Variants in GRIP1 observed in about 807,000 individuals in gnomAD.
The protein encoded by GRIP1 is glutamate receptor interacting protein 1, also known as glutamate receptor-interacting protein 1.
Under a neutral mutation model 129.9 loss-of-function variants are expected in GRIP1, and 45 were observed. The observed-to-expected ratio is 0.35, with a 90% CI of 0.27 to 0.44. The LOEUF is 0.44. Ranked by LOEUF, GRIP1 falls within the 20% of genes least tolerant of loss-of-function variation. GRIP1 has a pLI of 1.00. For synonymous variants in GRIP1, 530 were observed against 520.8 expected (o/e 1.02, Z -0.24); for missense variants, 1,196 against 1,396.8 (o/e 0.86, Z 2.29).
intron 7 of GRIP1, among the ~76,000 whole-genome samples, chr12:66,486,353 C>A (rs2059954558): frequency 6.6e-6 from 1 of 151,934 alleles, no homozygotes; most frequent in African/African-American, 2.4e-5. Context: ...AATGGTGTCC[C>A]ATGTAGCCAA....
chr12:66,462,371 G>A (rs529125614), intron 9 of GRIP1, among the ~76,000 whole-genome samples: 3 of 152,136 alleles, frequency 2.0e-5, no homozygotes, highest in African/African-American at 7.2e-5. Flanking sequence ...GCCTTCATTG[G>A]CCTTCATCTA....
intron 1 of GRIP1, among the ~76,000 whole-genome samples, chr12:66,648,377 G>A (rs2032535378): frequency 6.6e-6 from 1 of 152,230 alleles, no homozygotes; most frequent in South Asian, 2.1e-4. Flanking sequence ...TTGACCAAAT[G>A]ATCACGAGAA....
chr12:66,474,861 C>T (rs904788298), intron 7 of GRIP1, among the ~76,000 whole-genome samples: 3 of 152,166 alleles, frequency 2.0e-5, no homozygotes, highest in Non-Finnish European at 4.4e-5. Flanking sequence ...CCGGTCCCAG[C>T]CACTGCAAAA....
chr12:66,859,476 C>T (rs34447017), intron 1 of GRIP1, among the ~76,000 whole-genome samples: 30,722 of 151,654 alleles, frequency 0.2, 3,825 homozygotes, highest in Non-Finnish European at 0.28. Flanking sequence ...CAGGTAAGTA[C>T]ACTACATAAA....
chr12:66,368,769 A>G (rs1424814663), intron 23 of GRIP1, among the ~76,000 whole-genome samples: 1 of 152,204 alleles, frequency 6.6e-6, no homozygotes, highest in Non-Finnish European at 1.5e-5. Flanking sequence ...GACATTAGGT[A>G]GTCTTTCAGT....
At chr12:66,962,350 A>T (rs987537918) in intron 1 of GRIP1, among the ~76,000 whole-genome samples, 8 of 152,190 alleles carry the variant, frequency 5.3e-5, no homozygotes, top group African/African-American at 1.9e-4. Flanking sequence ...AAAGGAATCG[A>T]GACAGGAAAA....
intron 1 of GRIP1, among the ~76,000 whole-genome samples, chr12:66,791,087 T>C (rs368292051): frequency 2.6e-5 from 4 of 152,316 alleles, no homozygotes; most frequent in African/African-American, 9.6e-5. Flanking sequence ...TGATCTCTGC[T>C]GAATCCTTTT....
chr12:66,532,003 A>G (rs999198678), intron 4 of GRIP1, among the ~76,000 whole-genome samples: 1 of 152,248 alleles, frequency 6.6e-6, no homozygotes, highest in Non-Finnish European at 1.5e-5. Flanking sequence ...ATGGGAATGC[A>G]AAGTACTGCA....
At chr12:66,915,588 G>A (rs1335550632) in intron 1 of GRIP1, among the ~76,000 whole-genome samples, 1 of 152,248 alleles carries the variant, frequency 6.6e-6, no homozygotes, top group Non-Finnish European at 1.5e-5. Flanking sequence ...TCTGTCATCA[G>A]CCACTGCAAA....
intron 16 of GRIP1, among the ~76,000 whole-genome samples, chr12:66,400,577 T>C (rs1233245472): frequency 6.6e-6 from 1 of 152,200 alleles, no homozygotes; most frequent in Non-Finnish European, 1.5e-5. Flanking sequence ...GTATAAAGGT[T>C]ATTTGTTTTG....
intron 5 of GRIP1, among the ~76,000 whole-genome samples, chr12:66,518,411 A>T (rs1481757450): frequency 7.5e-6 from 1 of 134,144 alleles, no homozygotes; most frequent in Non-Finnish European, 1.7e-5. Context: ...AGTACTAAAA[A>T]AGAAAGCCAA....
At chr12:66,526,977 T>C (rs1319325372) in intron 5 of GRIP1, among the ~76,000 whole-genome samples, 1 of 136,944 alleles carries the variant, frequency 7.3e-6, no homozygotes, top group African/African-American at 2.8e-5. Flanking sequence ...CAGAAGGAGA[T>C]ACCATCTCAT....
At chr12:66,423,701 T>A (rs111519477) in intron 14 of GRIP1, among the ~76,000 whole-genome samples, 2,816 of 152,302 alleles carry the variant, frequency 0.018, 98 homozygotes, top group African/African-American at 0.064. Context: ...TTAAATCTCC[T>A]GAAGTTATTA....
At chr12:66,885,099 A>G (rs1199282113) in intron 1 of GRIP1, among the ~76,000 whole-genome samples, 1 of 152,202 alleles carries the variant, frequency 6.6e-6, no homozygotes. Context: ...AGCCTGGTGG[A>G]TCCTGCAAAC....
intron 1 of GRIP1, among the ~76,000 whole-genome samples, chr12:66,869,770 T>A (rs931869129): frequency 5.3e-5 from 8 of 152,144 alleles, no homozygotes; most frequent in African/African-American, 1.9e-4. Flanking sequence ...AGCTCAGGTA[T>A]CTTGTAAAGA....
At chr12:66,877,049 G>T (rs1403762655) in intron 1 of GRIP1, among the ~76,000 whole-genome samples, 1 of 152,048 alleles carries the variant, frequency 6.6e-6, no homozygotes, top group Non-Finnish European at 1.5e-5. Context: ...GTGTGTGTAT[G>T]AGTGAGCTTG....
intron 1 of GRIP1, among the ~76,000 whole-genome samples, chr12:66,608,958 A>ATTAT (rs879336698): frequency 7.0e-4 from 78 of 111,784 alleles, no homozygotes; most frequent in Non-Finnish European, 1.3e-3. Context: ...TATTATTATT[A>ATTAT]TATTATATAT....
intron 1 of GRIP1, among the ~76,000 whole-genome samples, chr12:67,041,850 T>C (rs924539011): frequency 1.3e-5 from 2 of 152,182 alleles, no homozygotes; most frequent in South Asian, 2.1e-4. Flanking sequence ...AGTTCCTTGA[T>C]GGCATATACA....
intron 2 of GRIP1, among the ~76,000 whole-genome samples, chr12:66,591,692 C>A (rs1348941317): frequency 6.6e-6 from 1 of 152,074 alleles, no homozygotes; most frequent in East Asian, 1.9e-4. Flanking sequence ...AACAGTGGTG[C>A]AATCAAGATT....
Sources: allele counts gnomAD v4.1 joint callset (sites outside exome capture counted in the v4.1 genomes callset), GRCh38; gene constraint gnomAD v4.1.1; transcripts MANE v1.5; gene names NCBI Gene and HGNC (gene_info 2026-07-23, HGNC 2026-07-21).